ASTN2: variants seen among roughly 807,000 people sequenced by gnomAD.
ASTN2 encodes astrotactin 2.
ASTN2 carries 54 observed loss-of-function variants against 139.8 expected under a neutral mutation model. That is an observed-to-expected ratio of 0.39 (90% confidence interval 0.31 to 0.48). ASTN2 has a LOEUF of 0.48. ASTN2 is among the 20% of genes least tolerant of loss of function. The probability of loss-of-function intolerance (pLI) is 0.95; values close to 1 mark genes in which losing one functional copy is unlikely to be tolerated. For missense variants in ASTN2, 1,565 were observed against 1,725.1 expected, an observed-to-expected ratio of 0.91 and a Z score of 1.64; for synonymous variants, 756 against 719.5, an observed-to-expected ratio of 1.05 and a Z score of -0.81.
chr9:117,181,088 A>G (rs1831053602), intron 3 of ASTN2: 1 of 1,130,286 alleles, frequency 8.8e-7, no homozygotes, highest in South Asian at 1.2e-5. Context: ...GGTCCCTTAA[A>G]GCAACCCATA....
At chr9:117,129,278 G>T (rs1456838486) in intron 4 of ASTN2, among the ~76,000 whole-genome samples, 1 of 151,876 alleles carries the variant, frequency 6.6e-6, no homozygotes, top group Non-Finnish European at 1.5e-5. Flanking sequence ...TCCTCCCTCC[G>T]TTCCTCAAAA....
intron 13 of ASTN2, among the ~76,000 whole-genome samples, chr9:116,803,533 T>A (rs1421676716): frequency 2.2e-4 from 27 of 120,234 alleles, no homozygotes; most frequent in African/African-American, 7.9e-4. Flanking sequence ...TTTTTTTTTT[T>A]TTTTTTTTTT....
At chr9:116,702,479 A>G (rs1258531439) in intron 16 of ASTN2, among the ~76,000 whole-genome samples, 2 of 152,126 alleles carry the variant, frequency 1.3e-5, no homozygotes, top group African/African-American at 4.8e-5. Context: ...TTCCTATTAT[A>G]TAAATCACTG....
intron 4 of ASTN2, among the ~76,000 whole-genome samples, chr9:117,134,344 G>C (rs187972839): frequency 4.2e-5 from 6 of 143,750 alleles, no homozygotes; most frequent in Admixed American, 6.9e-5. Flanking sequence ...ACACACGCCT[G>C]TGTTCCAGGG....
At chr9:116,862,218 C>T (rs1386527692) in intron 11 of ASTN2, among the ~76,000 whole-genome samples, 1 of 152,118 alleles carries the variant, frequency 6.6e-6, no homozygotes, top group East Asian at 1.9e-4. Context: ...TGTTCTGTCT[C>T]CCTTGGGTCT....
chr9:116,579,184 T>A (rs1215796813), intron 19 of ASTN2: 2 of 152,196 alleles, frequency 1.3e-5, no homozygotes, highest in Non-Finnish European at 2.9e-5. Context: ...TATCTCTATT[T>A]TACAAATGGG....
At chr9:116,763,195 A>G (rs1463692078) in intron 13 of ASTN2, among the ~76,000 whole-genome samples, 1 of 152,168 alleles carries the variant, frequency 6.6e-6, no homozygotes, top group Non-Finnish European at 1.5e-5. Context: ...GTCACTGTCT[A>G]TGCAATGTTT....
chr9:116,722,652 C>T (rs1350328091), intron 16 of ASTN2, among the ~76,000 whole-genome samples: 1 of 152,150 alleles, frequency 6.6e-6, no homozygotes, highest in Non-Finnish European at 1.5e-5. Context: ...AGTACCCTTG[C>T]CTCCTTTGCT....
chr9:117,181,613 C>T lies in ASTN2; in HGVS notation c.1015+32745G>A, dbSNP rs183577698. On this transcript the variant is annotated intron_variant, in intron 3 of 22. Coordinates refer to ENST00000313400, the MANE Select transcript of ASTN2 (RefSeq NM_001365068.1). ...AAAAAACACAGACTCTGGAGTCAGA[C>T]CCAGGTCCCAATTGTAGCTCTACCA... 2.6e-4 allele frequency among the ~76,000 whole-genome samples: 40 copies of T among 152,242 alleles called. No individual in the cohort carries two copies. The East Asian group carries it at 7.6e-3, about 29-fold the overall frequency.
At chr9:116,802,083 C>CTTT (rs796156202) in intron 13 of ASTN2, among the ~76,000 whole-genome samples, 8 of 121,728 alleles carry the variant, frequency 6.6e-5, no homozygotes, top group Admixed American at 1.7e-4. Flanking sequence ...TTCTTTCTTT[C>CTTT]TTTTTTTTTT....
At chr9:116,692,353 C>T (rs1159239077) in intron 16 of ASTN2, among the ~76,000 whole-genome samples, 1 of 152,144 alleles carries the variant, frequency 6.6e-6, no homozygotes, top group Non-Finnish European at 1.5e-5. Flanking sequence ...CTATTCATTT[C>T]TTCTAATAGG....
intron 9 of ASTN2, 96 bp downstream of exon 9, chr9:116,976,018 G>A (rs891033653): frequency 1.7e-6 from 2 of 1,192,226 alleles, no homozygotes; most frequent in Non-Finnish European, 2.5e-6. Context: ...GCTCAGAAGT[G>A]CACAGGCTCA....
chr9:116,838,595 T>TC (rs899237667), intron 11 of ASTN2, among the ~76,000 whole-genome samples: 4 of 150,214 alleles, frequency 2.7e-5, no homozygotes, highest in African/African-American at 9.8e-5. Context: ...AGCAATTTTT[T>TC]TTTTTTTTTT....
At chr9:116,587,637 C>T (rs1056213964) in intron 19 of ASTN2, among the ~76,000 whole-genome samples, 1 of 152,226 alleles carries the variant, frequency 6.6e-6, no homozygotes, top group Admixed American at 6.5e-5. Flanking sequence ...TGGTTGACAG[C>T]AGGAGCAAGA....
chr9:116,529,256 C>G (rs2119276470), intron 19 of ASTN2, among the ~76,000 whole-genome samples: 1 of 152,196 alleles, frequency 6.6e-6, no homozygotes, highest in South Asian at 2.1e-4. Context: ...ATCACTGTGC[C>G]CTGGGTGTGA....
chr9:116,662,128 G>A (rs1376300570), intron 16 of ASTN2, among the ~76,000 whole-genome samples: 2 of 152,060 alleles, frequency 1.3e-5, no homozygotes, highest in African/African-American at 4.8e-5. Context: ...AGTACAAGTA[G>A]AGGAGCTCCT....
chr9:116,450,976 G>T lies in ASTN2; in HGVS notation c.3498-8423C>A, dbSNP rs368383272. Among the ~76,000 whole-genome samples the T allele has an allele frequency of 2.0e-5, 3 of 152,308 alleles. No homozygotes were observed. The East Asian group carries it at 5.8e-4, about 29-fold the overall frequency. On this transcript the variant is annotated intron_variant, in intron 20 of 22. Coordinates refer to ENST00000313400, the MANE Select transcript of ASTN2 (RefSeq NM_001365068.1). ...GGTCCTGGCTTAGAACAAAGGTAAA[G>T]CAGTTTGTGGTTGGGCTCCAAACAC...
rs192390338 is a variant in ASTN2 at position 117,273,163 on chromosome 9, A to G, written c.630+18163T>C. On this transcript the variant is annotated intron_variant, in intron 2 of 22. Coordinates refer to ENST00000313400, the MANE Select transcript of ASTN2 (RefSeq NM_001365068.1). ...CTTCTTACATGGCAGTGGCAAGAGAAAATGAGGAAGAAGCAAAAGTAGAAA... is the reference window on the plus strand; with the variant it reads ...CTTCTTACATGGCAGTGGCAAGAGAGAATGAGGAAGAAGCAAAAGTAGAAA... Among the ~76,000 whole-genome samples the G allele has an allele frequency of 2.5e-3, 376 of 152,334 alleles. 1 individual carries two copies. The highest frequency in any genetic ancestry group is 8.5e-3 in the African/African-American group (352 of 41,584).
At chr9:116,901,116 G>A (rs1161588914) in intron 10 of ASTN2, among the ~76,000 whole-genome samples, 4 of 152,102 alleles carry the variant, frequency 2.6e-5, no homozygotes, top group East Asian at 3.9e-4. Flanking sequence ...GTGTGTGCGC[G>A]TGTGCAAGTG....
Sources: gnomAD v4.1 joint callset for allele counts (sites outside exome capture counted in the v4.1 genomes callset) on GRCh38, gnomAD v4.1.1 for gene constraint, MANE v1.5 for transcripts, NCBI Gene and HGNC (gene_info 2026-07-23, HGNC 2026-07-21) for gene names.